The following TMEM25 variants were observed in gnomAD, a reference collection of about 807,000 sequenced individuals.
TMEM25 encodes the protein transmembrane protein 25, also known as 0610039J01Rik.
Under a neutral mutation model 37.0 loss-of-function variants are expected in TMEM25, and 36 were observed. The observed-to-expected ratio is 0.97, with a 90% CI of 0.75 to 1.28. The LOEUF is 1.28. TMEM25 is among the 50% of genes most tolerant of loss of function. TMEM25 has a pLI of 0.00. For missense variants in TMEM25, 444 were observed against 477.9 expected (o/e 0.93, Z 0.66); for synonymous variants, 197 against 203.7 (o/e 0.97, Z 0.28).
rs781989624 is a variant in TMEM25 at position 118,535,660 on chromosome 11, C to T, written c.*1080C>T. The T allele has an allele frequency of 6.6e-7, 1 of 1,507,866 alleles. No individual in the cohort carries two copies. The highest frequency in any genetic ancestry group is 1.2e-5 in the South Asian group (1 of 82,130). The allele number at this position is 1,507,866 out of a possible 1,614,324, so 93.4% of individuals were successfully genotyped here. A position where few individuals can be genotyped will look rare whatever the true frequency, so the allele number is the denominator to read the frequency against. On this transcript the variant is annotated 3_prime_UTR_variant, in exon 9 of 9. Transcript: ENST00000313236. Reference sequence around the variant, plus strand: ...CATGGAGAAAGAAGGAGACCACATACCCCAAAGTGACCTAAGAACACTTTA... The same window carrying T: ...CATGGAGAAAGAAGGAGACCACATATCCCAAAGTGACCTAAGAACACTTTA...
At chr11:118,544,797 A>G (rs1555066594) in intron 8 of TMEM25, 1 of 710,960 alleles carries the variant, frequency 1.4e-6, no homozygotes, top group East Asian at 2.7e-5. Context: ...CAGGACATGC[A>G]CTGCCCCTGA....
downstream of TMEM25, among the ~76,000 whole-genome samples, chr11:118,538,377 C>T (rs1208596837): frequency 2.0e-5 from 3 of 151,950 alleles, no homozygotes; most frequent in African/African-American, 7.3e-5. Context: ...CCATATTGGC[C>T]AGGCTGGTCT....
At chr11:118,537,737 G>T (rs1451415868), downstream of TMEM25, among the ~76,000 whole-genome samples, 4 of 152,110 alleles carry the variant, frequency 2.6e-5, no homozygotes, top group African/African-American at 9.7e-5. Context: ...GGATTGAATG[G>T]TAATCCTATT....
At chr11:118,545,764 G>A in intron 8 of TMEM25, 1 of 1,605,586 alleles carries the variant, frequency 6.2e-7, no homozygotes, top group Non-Finnish European at 8.5e-7. Flanking sequence ...ATCCAGAGAT[G>A]GGGACGAGGA....
chr11:118,545,358 A>C (rs3825055), intron 8 of TMEM25: 203,025 of 1,316,044 alleles, frequency 0.15, 20,251 homozygotes, highest in East Asian at 0.47. Flanking sequence ...AACAGTAGAA[A>C]CTATAGTGAT....
rs1555061275 is a variant in TMEM25 at position 118,533,841 on chromosome 11, G to T, written c.806-16G>T. ...GGGCACACTGAGAATTAGGGACATG[G>T]TTTCTTTCTCCACAGGCCCCTCCCG... On this transcript the variant is annotated splice_polypyrimidine_tract_variant and intron_variant, in intron 5 of 8. Coordinates refer to ENST00000313236, the MANE Select transcript of TMEM25 (RefSeq NM_032780.4). 6.2e-7 allele frequency: 1 copy of T among 1,613,972 alleles called. No homozygotes were observed. The highest frequency in any genetic ancestry group is 8.5e-7 in the Non-Finnish European group (1 of 1,179,974).
chr11:118,532,284 G>A lies in TMEM25; in HGVS notation c.205G>A (p.Gly69Arg), dbSNP rs375061841. 2.5e-6 allele frequency: 4 copies of A among 1,614,066 alleles called. No homozygotes were observed. The South Asian group carries it at 3.3e-5, about 13-fold the overall frequency. Residue 69 changes from glycine (G) to arginine (R), a missense_variant, in exon 3 of 9, where the codon GGA becomes AGA. Physicochemically the swap from Gly to Arg is moderately radical, Grantham distance 125. Transcript: ENST00000313236. ...GTPRLAWYLD[G>R]QLQEASTSRL... ...CCCCAGATTGGCCTGGTATCTGGAT[G>A]GACAGCTGCAGGAGGCCAGCACCTC...
downstream of TMEM25, among the ~76,000 whole-genome samples, chr11:118,540,709 A>C (rs11216886): frequency 0.16 from 24,518 of 152,244 alleles, 2,450 homozygotes; most frequent in East Asian, 0.49. Flanking sequence ...TGACAGACCC[A>C]TTGGAGAAGT....
chr11:118,535,719 A>T lies in TMEM25; in HGVS notation c.*1139A>T. On this transcript the variant is annotated 3_prime_UTR_variant, in exon 9 of 9. Coordinates refer to ENST00000313236, the MANE Select transcript of TMEM25 (RefSeq NM_032780.4). ...CATGTAAATGATTGGAAATTAATAT[A>T]GTACAGAATATATTTTTCCCTTGTT... 7.1e-7 allele frequency: 1 copy of T among 1,410,782 alleles called. No homozygotes were observed. Among genetic ancestry groups the T allele is most frequent in the Non-Finnish European group, 9.2e-7 (1 of 1,084,326 alleles). The allele number at this position is 1,410,782 out of a possible 1,614,324, so 87.4% of individuals were successfully genotyped here.
intron 8 of TMEM25, among the ~76,000 whole-genome samples, chr11:118,541,330 T>C (rs1331857824): frequency 2.0e-5 from 3 of 151,488 alleles, no homozygotes; most frequent in African/African-American, 4.8e-5. Context: ...AGTGTGGTGG[T>C]GGGCACCTGT....
chr11:118,533,719 G>A, intron 5 of TMEM25, 138 bp from the exon 6 acceptor site: 1 of 1,568,218 alleles, frequency 6.4e-7, no homozygotes. Flanking sequence ...CAAGCACTGG[G>A]AACCCAGTCT....
chr11:118,534,294 T>C lies in TMEM25; in HGVS notation c.966T>C (p.Ala322=). The C allele has an allele frequency of 6.2e-7, 1 of 1,614,126 alleles. No homozygotes were observed. Among genetic ancestry groups the C allele is most frequent in the Non-Finnish European group, 8.5e-7 (1 of 1,180,028 alleles). ...TGAAACCAGCAGACCGGCAGATGGC[T>C]CAGAACAACAGCCGGCCAGAGCTTC... ...RAVKPADRQM[A]QNNSRPELLD... The change falls in exon 8 of 9, where the codon GCT becomes GCC. Residue 322 remains alanine (A), a synonymous_variant. Coordinates refer to ENST00000313236, the MANE Select transcript of TMEM25 (RefSeq NM_032780.4). The surrounding 1 kb of genome is among the most constrained non-coding windows in gnomAD (Gnocchi z 4.6).
At chr11:118,532,675 C>T in intron 3 of TMEM25, 2 of 780,716 alleles carry the variant, frequency 2.6e-6, no homozygotes, top group South Asian at 1.9e-5. Flanking sequence ...AAGCAATCTG[C>T]CCAGGGTGAT....
At chr11:118,536,334 C>T (rs530106436), downstream of TMEM25, among the ~76,000 whole-genome samples, 20 of 152,026 alleles carry the variant, frequency 1.3e-4, no homozygotes, top group African/African-American at 4.1e-4. Context: ...GCTGGGATTA[C>T]AGGCATGCAC....
chr11:118,542,719 C>T (rs2135444772), intron 8 of TMEM25, among the ~76,000 whole-genome samples: 1 of 151,750 alleles, frequency 6.6e-6, no homozygotes, highest in African/African-American at 2.4e-5. Flanking sequence ...TCAAGACCAG[C>T]CTGGGCAACA....
At position 118,535,711 on chromosome 11, in the gene TMEM25, A is replaced by C; in HGVS notation, c.*1131A>C. The stretch of plus-strand genomic sequence containing the variant: ...AAAAGCAACATGTAAATGATTGGAA[A>C]TTAATATAGTACAGAATATATTTTT... On this transcript the variant is annotated 3_prime_UTR_variant, in exon 9 of 9. Coordinates refer to ENST00000313236, the MANE Select transcript of TMEM25 (RefSeq NM_032780.4). 2 of 1,443,546 alleles carry C rather than the reference A, an allele frequency of 1.4e-6. No homozygotes were observed. The highest frequency in any genetic ancestry group is 1.8e-6 in the Non-Finnish European group (2 of 1,099,544). 89.4% of individuals were successfully genotyped at this position (1,443,546 alleles called of 1,614,324 possible).
chr11:118,531,658 T>C, intron 1 of TMEM25, 117 bp from the exon 2 acceptor site: 1 of 803,438 alleles, frequency 1.2e-6, no homozygotes, highest in Non-Finnish European at 1.9e-6. Context: ...CACTGGGGGC[T>C]GGTCTACATT....
downstream of TMEM25, among the ~76,000 whole-genome samples, chr11:118,539,682 T>G (rs1319314112): frequency 6.6e-6 from 1 of 152,052 alleles, no homozygotes; most frequent in African/African-American, 2.4e-5. Flanking sequence ...CTTTCCCAAG[T>G]GTAAGTTTTC....
At chr11:118,532,509 C>A (rs782789593) in intron 3 of TMEM25, 48 bp downstream of exon 3, 26 of 1,550,482 alleles carry the variant, frequency 1.7e-5, no homozygotes, top group Admixed American at 1.4e-4. Flanking sequence ...TGCCCAGGGA[C>A]CCCCAGCACC....
Sources: allele counts gnomAD v4.1 joint callset (sites outside exome capture counted in the v4.1 genomes callset), GRCh38; gene constraint gnomAD v4.1.1; non-coding constraint Gnocchi (gnomAD v3.1); transcripts MANE v1.5; gene names NCBI Gene and HGNC (gene_info 2026-07-23, HGNC 2026-07-21).